The following DFFA variants were observed in gnomAD, a reference collection of about 807,000 sequenced individuals.
The protein encoded by DFFA is DNA fragmentation factor subunit alpha.
In DFFA, 14 loss-of-function variants were observed where a neutral mutation model predicts 28.0. The ratio of observed to expected loss-of-function variants is 0.50; its 90% CI spans 0.33 to 0.78. The LOEUF is 0.78. Ranked by LOEUF, DFFA falls within the 30% of genes least tolerant of loss-of-function variation. The probability of loss-of-function intolerance (pLI) is 0.02; values close to 1 mark genes in which losing one functional copy is unlikely to be tolerated. For synonymous variants in DFFA, 158 were observed against 170.3 expected (o/e 0.93, Z 0.56); for missense variants, 395 against 407.1 (o/e 0.97, Z 0.26).
At chr1:10,462,412 C>T (rs935507648) in intron 5 of DFFA, 3 of 987,270 alleles carry the variant, frequency 3.0e-6, no homozygotes, top group East Asian at 1.1e-4. Flanking sequence ...CATTAACAGG[C>T]GTAAGCCACT....
At position 10,461,333 on chromosome 1, in the gene DFFA, T is replaced by A; in HGVS notation, c.*157A>T. 49 of 1,249,022 alleles carry A rather than the reference T, an allele frequency of 3.9e-5. No individual in the cohort carries two copies. Among genetic ancestry groups the A allele is most frequent in the South Asian group, 1.1e-4 (6 of 56,558 alleles). 77.4% of individuals were successfully genotyped at this position (1,249,022 alleles called of 1,614,324 possible). A position where few individuals can be genotyped will look rare whatever the true frequency, so the allele number is the denominator to read the frequency against. On this transcript the variant is annotated 3_prime_UTR_variant, in exon 6 of 6. Transcript: ENST00000377038. ...GAAGCTGGTGGGGCTAAAAAAAAAA[T>A]TGGTGGAACGGCGTATGTTGAGACC...
intron 1 of DFFA, among the ~76,000 whole-genome samples, chr1:10,470,926 G>A (rs1033498794): frequency 5.8e-4 from 88 of 151,072 alleles, no homozygotes; most frequent in African/African-American, 2.0e-3. Flanking sequence ...AGATGGGCGT[G>A]GTGGTGGGCG....
chr1:10,457,740 GACTA>G lies in DFFA; in HGVS notation c.*3746_*3749del, dbSNP rs1339912012. 1.3e-5 allele frequency: 2 copies of G among 152,132 alleles called. No individual in the cohort carries two copies. The highest frequency in any genetic ancestry group is 2.9e-5 in the Non-Finnish European group (2 of 68,026). 9.4% of individuals were successfully genotyped at this position (152,132 alleles called of 1,614,324 possible). ...TAACCCTTTCAAGCTTGGAGCCTTA[GACTA>G]ACTGAGAGGTTAGACTCAAGCCGGT... On this transcript the variant is annotated 3_prime_UTR_variant, in exon 6 of 6. Transcript: ENST00000377038.
chr1:10,461,240 T>C lies in DFFA; in HGVS notation c.*250A>G. ...GCCAATTACTTTTGAACAGAGAACA[T>C]CATATGTAATTAGAGGAGGCGGGAT... is the stretch of plus-strand genomic sequence containing the variant. On this transcript the variant is annotated 3_prime_UTR_variant, in exon 6 of 6. Transcript: ENST00000377038. 1 of 499,224 alleles carries C rather than the reference T, an allele frequency of 2.0e-6. No homozygotes were observed. The highest frequency in any genetic ancestry group is 3.5e-6 in the Non-Finnish European group (1 of 281,702). The allele number at this position is 499,224 out of a possible 1,614,324, so 30.9% of individuals were successfully genotyped here. A position where few individuals can be genotyped will look rare whatever the true frequency, so the allele number is the denominator to read the frequency against.
intron 5 of DFFA, chr1:10,462,563 A>C: frequency 1.0e-6 from 1 of 994,446 alleles, no homozygotes; most frequent in South Asian, 4.5e-5. Context: ...CCTTCTATCT[A>C]CAATAGGGAG....
intron 5 of DFFA, 31 bp downstream of exon 5, chr1:10,463,027 C>A (rs1254720876): frequency 6.2e-7 from 1 of 1,613,982 alleles, no homozygotes; most frequent in South Asian, 1.1e-5. Flanking sequence ...ATGTCCTCCT[C>A]TGTAGCTCAG....
chr1:10,472,315 G>C lies in DFFA; in HGVS notation c.136+8C>G, dbSNP rs777920700. 5.1e-6 allele frequency: 8 copies of C among 1,582,024 alleles called. No homozygotes were observed. The highest frequency in any genetic ancestry group is 3.4e-4 in the Middle Eastern group (2 of 5,936). ...CCCCCACACCCTCGCCCGGGGTCCC[G>C]AGCCAACCCTTGCTCCTCAGGTCTT... is the stretch of plus-strand genomic sequence containing the variant. On this transcript the variant is annotated splice_region_variant and intron_variant, in intron 1 of 5. Coordinates refer to ENST00000377038, the MANE Select transcript of DFFA (RefSeq NM_004401.3). The surrounding 1 kb of genome is among the most constrained non-coding windows in gnomAD (Gnocchi z 5.0).
Position 10,461,590 on chromosome 1 carries a change from T to C in DFFA, c.896A>G (p.Gln299Arg), listed in dbSNP as rs1361995337. The change falls in exon 6 of 6, where the codon CAG becomes CGG. Residue 299 changes from glutamine (Q) to arginine (R), a missense_variant. By Grantham distance (43) the Gln-to-Arg change is conservative. Transcript: ENST00000377038. ...CCGGAGAGAATGCAAGCTCTGCGTC[T>C]GCTGCAGGCGCAGGGCGAGCTCCCG... is the stretch of plus-strand genomic sequence containing the variant. ...CERELALRLQ[Q>R]TQSLHSLRSI... The C allele has an allele frequency of 6.2e-7, 1 of 1,614,146 alleles. No individual in the cohort carries two copies. Among genetic ancestry groups the C allele is most frequent in the Non-Finnish European group, 8.5e-7 (1 of 1,180,052 alleles).
chr1:10,458,495 G>GT lies in DFFA; in HGVS notation c.*2994dup, dbSNP rs1464544796. ...ACAGTTGTTTTTGTTCTATTTAATT[G>GT]TTTTCTGTACCCCCATCTTTACCCT... is the stretch of plus-strand genomic sequence containing the variant. On this transcript the variant is annotated 3_prime_UTR_variant, in exon 6 of 6. Coordinates refer to ENST00000377038, the MANE Select transcript of DFFA (RefSeq NM_004401.3). The GT allele has an allele frequency of 1.4e-5, 2 of 138,442 alleles. No individual in the cohort carries two copies. Among genetic ancestry groups the GT allele is most frequent in the Non-Finnish European group, 3.2e-5 (2 of 63,090 alleles). The allele number at this position is 138,442 out of a possible 1,614,324, so 8.6% of individuals were successfully genotyped here. A position where few individuals can be genotyped will look rare whatever the true frequency, so the allele number is the denominator to read the frequency against.
Position 10,463,131 on chromosome 1 carries a change from A to G in DFFA, c.710T>C (p.Leu237Pro). ...CAGTGCAGTAAGGATGTGGCTCGCCAGCGCAACGTCCGAGGAGGTCTCTCT... is the reference window on the plus strand; with the variant it reads ...CAGTGCAGTAAGGATGTGGCTCGCCGGCGCAACGTCCGAGGAGGTCTCTCT... ...ISRETSSDVA[L>P]ASHILTALRE... Residue 237 changes from leucine to proline, a missense_variant, in exon 5 of 6, where the codon CTG (leucine) becomes CCG (proline). Transcript: ENST00000377038. 1 of 1,614,116 alleles carries G rather than the reference A, an allele frequency of 6.2e-7. No individual in the cohort carries two copies. Among genetic ancestry groups the G allele is most frequent in the Non-Finnish European group, 8.5e-7 (1 of 1,180,020 alleles).
intron 5 of DFFA, 199 bp downstream of exon 5, chr1:10,462,859 T>C: frequency 7.1e-7 from 1 of 1,413,024 alleles, no homozygotes; most frequent in Non-Finnish European, 9.2e-7. Context: ...TCTGAGGAAG[T>C]GTATGCATTT....
intron 3 of DFFA, among the ~76,000 whole-genome samples, chr1:10,466,546 G>C (rs1329904189): frequency 2.0e-5 from 3 of 152,034 alleles, no homozygotes; most frequent in African/African-American, 7.2e-5. Flanking sequence ...CTGGCTCAAA[G>C]TCGTGGTGAC....
At chr1:10,463,663 C>G in intron 3 of DFFA, 43 bp from the exon 4 acceptor site, 1 of 1,552,436 alleles carries the variant, frequency 6.4e-7, no homozygotes, top group Non-Finnish European at 8.7e-7. Flanking sequence ...CAGGGACTTT[C>G]TGACTTTCTT....
intron 3 of DFFA, among the ~76,000 whole-genome samples, chr1:10,463,837 G>A (rs1323396554): frequency 6.6e-6 from 1 of 151,682 alleles, no homozygotes; most frequent in Non-Finnish European, 1.5e-5. Context: ...GCTAATTTTT[G>A]TATTTTTAGT....
At position 10,458,634 on chromosome 1, in the gene DFFA, G is replaced by A. The variant is rs1211439845; in HGVS notation, c.*2856C>T. 1 of 151,466 alleles carries A rather than the reference G, an allele frequency of 6.6e-6. No individual in the cohort carries two copies. The highest frequency in any genetic ancestry group is 1.5e-5 in the Non-Finnish European group (1 of 67,968). 9.4% of individuals were successfully genotyped at this position (151,466 alleles called of 1,614,324 possible). A position where few individuals can be genotyped will look rare whatever the true frequency, so the allele number is the denominator to read the frequency against. On this transcript the variant is annotated 3_prime_UTR_variant, in exon 6 of 6. Transcript: ENST00000377038. ...GCTCAGTGCAATCTCCACCTCCTGG[G>A]TTCAAGCGATTCTCATGTCTCAGCC...
intron 2 of DFFA, among the ~76,000 whole-genome samples, chr1:10,468,038 A>T (rs1317176396): frequency 6.6e-6 from 1 of 151,798 alleles, no homozygotes; most frequent in Admixed American, 6.6e-5. Flanking sequence ...GTAGCCATCG[A>T]TTGCTGTCCC....
chr1:10,461,481 C>A lies in DFFA; in HGVS notation c.*9G>T, dbSNP rs201613622. On this transcript the variant is annotated 3_prime_UTR_variant, in exon 6 of 6. Transcript: ENST00000377038. ...CCACAGAGCTTCCTTGGCACACTTC[C>A]CGCTGCTGCTATGTGGGATCCTGTC... 9.5e-4 allele frequency: 1,539 copies of A among 1,611,566 alleles called. 5 individuals are homozygous for A. The highest frequency in any genetic ancestry group is 1.2e-3 in the Non-Finnish European group (1,382 of 1,178,758).
At position 10,469,217 on chromosome 1, in the gene DFFA, C is replaced by A; in HGVS notation, c.258G>T (p.Val86=). The A allele has an allele frequency of 6.2e-7, 1 of 1,614,142 alleles. No individual in the cohort carries two copies. The highest frequency in any genetic ancestry group is 8.5e-7 in the Non-Finnish European group (1 of 1,180,024). ...FLCLPSNTKF[V]ALASNEKWAY... is the part of the protein sequence containing the mutation. ...CCCATTTCTCATTACTAGCCAATGC[C>A]ACAAACTTAGTATTGGAAGGTAGAC... Residue 86 remains valine, a synonymous_variant, in exon 2 of 6, where the codon GTG becomes GTT. Transcript: ENST00000377038.
intron 1 of DFFA, among the ~76,000 whole-genome samples, chr1:10,470,619 G>A (rs1484213721): frequency 6.7e-6 from 1 of 149,842 alleles, no homozygotes; most frequent in African/African-American, 2.4e-5. Flanking sequence ...TAGAGACGGG[G>A]TTTCACCGTG....
Sources: allele counts gnomAD v4.1 joint callset (sites outside exome capture counted in the v4.1 genomes callset), GRCh38; gene constraint gnomAD v4.1.1; non-coding constraint Gnocchi (gnomAD v3.1); transcripts MANE v1.5; gene names NCBI Gene and HGNC (gene_info 2026-07-23, HGNC 2026-07-21).